PCDHA9: variants seen among roughly 807,000 people sequenced by gnomAD.
The protein encoded by PCDHA9 is protocadherin alpha-9.
A neutral mutation model predicts 62.0 loss-of-function variants in PCDHA9; 62 were observed. That is an observed-to-expected ratio of 1.00 (90% CI 0.81 to 1.23). PCDHA9 has a LOEUF of 1.23. PCDHA9 is among the 50% of genes most tolerant of loss of function. The pLI is 0.00. For missense variants in PCDHA9, 1,205 were observed against 1,249.8 expected (o/e 0.96, Z 0.54); for synonymous variants, 557 against 567.6 (o/e 0.98, Z 0.27).
At chr5:140,895,115 T>C (rs2064854715) in intron 1 of PCDHA9, among the ~76,000 whole-genome samples, 1 of 152,182 alleles carries the variant, frequency 6.6e-6, no homozygotes, top group Non-Finnish European at 1.5e-5. Flanking sequence ...CAAGAAGACA[T>C]TTGTTAGTTG....
intron 1 of PCDHA9, among the ~76,000 whole-genome samples, chr5:140,945,495 C>A (rs1585197828): frequency 6.6e-6 from 1 of 152,022 alleles, no homozygotes; most frequent in East Asian, 1.9e-4. Context: ...ATACCCAAAG[C>A]AATATTGAGC....
intron 1 of PCDHA9, among the ~76,000 whole-genome samples, chr5:140,959,874 A>G (rs1360001985): frequency 1.3e-5 from 2 of 152,236 alleles, no homozygotes; most frequent in Non-Finnish European, 2.9e-5. Flanking sequence ...AAATCTGTCA[A>G]GGAATACACG....
intron 1 of PCDHA9, among the ~76,000 whole-genome samples, chr5:140,907,687 G>A (rs1554193091): frequency 6.6e-6 from 1 of 152,220 alleles, no homozygotes; most frequent in East Asian, 1.9e-4. Context: ...GCCTTGGTGA[G>A]TGGAAGTCCC....
At chr5:140,877,258 G>A in intron 1 of PCDHA9, 1 of 1,613,780 alleles carries the variant, frequency 6.2e-7, no homozygotes, top group South Asian at 1.1e-5. Flanking sequence ...GAAAGTGCGC[G>A]CGGTGGACGC....
At chr5:140,962,318 A>G (rs2095672102) in intron 1 of PCDHA9, among the ~76,000 whole-genome samples, 1 of 152,338 alleles carries the variant, frequency 6.6e-6, no homozygotes, top group South Asian at 2.1e-4. Context: ...GGCCATCTCA[A>G]TTGAGAATAC....
Position 141,010,029 on chromosome 5 carries a change from A to G in PCDHA9, c.*92A>G, listed in dbSNP as rs2098415771. 1.1e-5 allele frequency: 17 copies of G among 1,580,452 alleles called. No individual in the cohort carries two copies. In the Admixed American group the frequency reaches 3.1e-4, roughly 29 times the overall value. On this transcript the variant is annotated 3_prime_UTR_variant, in exon 4 of 4. Coordinates refer to ENST00000532602, the MANE Select transcript of PCDHA9 (RefSeq NM_031857.2). ...AATTCCCTGCTCCTTTTTCCTATCT[A>G]CATGAGCCCTCTTAGAGACCTCAGA...
chr5:140,868,877 C>T (rs1554162279), intron 1 of PCDHA9: 4 of 684,224 alleles, frequency 5.8e-6, no homozygotes, highest in South Asian at 2.2e-5. Flanking sequence ...GCACAGTACT[C>T]ACAGTTTTAG....
At chr5:140,884,254 G>A (rs1554181387) in intron 1 of PCDHA9, 2 of 1,613,406 alleles carry the variant, frequency 1.2e-6, no homozygotes, top group Admixed American at 1.7e-5. Flanking sequence ...TGACGGCCAC[G>A]GCAACGGTGC....
rs200693140 is a variant in PCDHA9, at chr5:140,850,298, G to A, written c.1803G>A (p.Ser601=). 1.0e-5 allele frequency: 16 copies of A among 1,596,354 alleles called. 2 individuals are homozygous for A. The South Asian group carries it at 1.3e-4, about 13-fold the overall frequency. Residue 601 remains serine, a synonymous_variant, in exon 1 of 4, where the codon TCG becomes TCA. Coordinates refer to ENST00000532602, the MANE Select transcript of PCDHA9 (RefSeq NM_031857.2). ...VGKVRAVDAD[S]GYNAWLSYEL... Reference sequence around the variant, plus strand: ...AGGTGCGCGCAGTGGACGCCGACTCGGGCTACAACGCGTGGCTTTCATACG... The same window carrying A: ...AGGTGCGCGCAGTGGACGCCGACTCAGGCTACAACGCGTGGCTTTCATACG...
rs1389969210 is a variant in PCDHA9, at chr5:140,877,650, G to T, written c.2394+26761G>T. The T allele has an allele frequency of 3.1e-6, 5 of 1,613,390 alleles. No individual in the cohort carries two copies. The African/African-American group carries it at 6.7e-5, about 22-fold the overall frequency. ...ACACTGCGCTGCGTTGCTCAGCGCC[G>T]CCCACCGTGAGCCGGTGCGCGCCGG... On this transcript the variant is annotated intron_variant, in intron 1 of 3. Coordinates refer to ENST00000532602, the MANE Select transcript of PCDHA9 (RefSeq NM_031857.2).
At position 140,849,581 on chromosome 5, in the gene PCDHA9, C is replaced by A; in HGVS notation, c.1086C>A (p.Asp362Glu). 4.4e-6 allele frequency: 7 copies of A among 1,598,698 alleles called. No homozygotes were observed. Among genetic ancestry groups the A allele is most frequent in the African/African-American group, 2.7e-5 (2 of 74,438 alleles). ...IKTLSVPVKE[D>E]AQLGTVIALI... The stretch of plus-strand genomic sequence containing the variant: ...CGCTCTCGGTTCCTGTAAAAGAGGA[C>A]GCACAACTGGGGACAGTTATTGCCC... The change falls in exon 1 of 4, where the codon GAC (aspartate) becomes GAA (glutamate). Residue 362 changes from aspartate (D) to glutamate (E), a missense_variant. By Grantham distance (45) the Asp-to-Glu change is conservative (BLOSUM62 2). Coordinates refer to ENST00000532602, the MANE Select transcript of PCDHA9 (RefSeq NM_031857.2).
chr5:140,961,639 G>A (rs2095626284), intron 1 of PCDHA9, among the ~76,000 whole-genome samples: 1 of 152,144 alleles, frequency 6.6e-6, no homozygotes, highest in East Asian at 1.9e-4. Flanking sequence ...ACAATCTTAA[G>A]TCTATGTGGT....
chr5:140,908,778 C>G (rs1452710808), intron 1 of PCDHA9, among the ~76,000 whole-genome samples: 1 of 152,184 alleles, frequency 6.6e-6, no homozygotes, highest in Non-Finnish European at 1.5e-5. Flanking sequence ...GTAGAGTCTT[C>G]TCCTGTTCTG....
intron 1 of PCDHA9, among the ~76,000 whole-genome samples, chr5:140,901,445 C>T (rs1207516323): frequency 6.6e-6 from 1 of 152,074 alleles, no homozygotes; most frequent in Admixed American, 6.6e-5. Context: ...ATCTAGTTTC[C>T]CAGCACAGAC....
intron 1 of PCDHA9, among the ~76,000 whole-genome samples, chr5:140,891,347 A>G (rs1554184792): frequency 6.6e-6 from 1 of 151,926 alleles, no homozygotes; most frequent in African/African-American, 2.4e-5. Context: ...ATTTTGGTGC[A>G]TCCATCACCT....
intron 1 of PCDHA9, among the ~76,000 whole-genome samples, chr5:140,922,161 A>C (rs1381544563): frequency 1.4e-5 from 2 of 147,172 alleles, no homozygotes; most frequent in African/African-American, 2.5e-5. Flanking sequence ...CAAAAACAAC[A>C]AAAAGTACAG....
chr5:140,941,241 T>TTCTTTCTTTCTTTC (rs1247398838), intron 1 of PCDHA9, among the ~76,000 whole-genome samples: 1 of 140,458 alleles, frequency 7.1e-6, no homozygotes, highest in Non-Finnish European at 1.5e-5. Flanking sequence ...CTTTCTTTCT[T>TTCTTTCTTTCTTTC]TCTTTCTTTC....
rs570631397 is a variant in PCDHA9, at chr5:140,879,658, A to G, written c.2394+28769A>G. Among the ~76,000 whole-genome samples the G allele has an allele frequency of 1.1e-4, 16 of 152,350 alleles. No homozygotes were observed. The South Asian group carries it at 3.1e-3, about 30-fold the overall frequency. ...TCGCTTCCTGTGGCTGCTATAACAA[A>G]CGAACACAAACTGGGTGCTGTAAAA... On this transcript the variant is annotated intron_variant, in intron 1 of 3. Transcript: ENST00000532602.
intron 1 of PCDHA9, among the ~76,000 whole-genome samples, chr5:140,892,939 C>G (rs1583111138): frequency 6.6e-6 from 1 of 152,188 alleles, no homozygotes; most frequent in Non-Finnish European, 1.5e-5. Context: ...CTGATAAGCA[C>G]AATACTACTT....
Sources: allele counts gnomAD v4.1 joint callset (sites outside exome capture counted in the v4.1 genomes callset), GRCh38; gene constraint gnomAD v4.1.1; transcripts MANE v1.5; gene names NCBI Gene and HGNC (gene_info 2026-07-23, HGNC 2026-07-21).